HECW1: variants seen among roughly 807,000 people sequenced by gnomAD.
The protein encoded by HECW1 is E3 ubiquitin-protein ligase HECW1.
A neutral mutation model predicts 182.3 loss-of-function variants in HECW1; 61 were observed. That is an observed-to-expected ratio of 0.33 (90% CI 0.27 to 0.41). The LOEUF is 0.41. HECW1 is among the 10% of genes least tolerant of loss of function. The pLI is 1.00. For missense variants in HECW1, 1,739 were observed against 2,108.9 expected, an observed-to-expected ratio of 0.82 and a Z score of 3.44; for synonymous variants, 859 against 832.6, an observed-to-expected ratio of 1.03 and a Z score of -0.55.
chr7:43,425,398 T>C (rs1230542062), intron 8 of HECW1, among the ~76,000 whole-genome samples: 1 of 152,176 alleles, frequency 6.6e-6, no homozygotes, highest in Admixed American at 6.5e-5. Context: ...CTTGGGCATA[T>C]TCCATAACCT....
intron 16 of HECW1, among the ~76,000 whole-genome samples, chr7:43,469,557 T>G (rs903164419): frequency 1.3e-5 from 2 of 152,352 alleles, no homozygotes; most frequent in South Asian, 4.1e-4. Context: ...CTAATACACC[T>G]TAAGTTTTCT....
chr7:43,462,534 G>A (rs2077622550), intron 13 of HECW1, among the ~76,000 whole-genome samples: 1 of 152,128 alleles, frequency 6.6e-6, no homozygotes, highest in South Asian at 2.1e-4. Flanking sequence ...CACATTCTTG[G>A]GCCCTACACC....
intron 5 of HECW1, 107 bp downstream of exon 5, chr7:43,320,849 C>G: frequency 1.2e-6 from 1 of 803,992 alleles, no homozygotes; most frequent in South Asian, 1.5e-5. Flanking sequence ...AATGGGCCCT[C>G]TAAAAGAGAG....
chr7:43,385,733 G>A (rs2074769076), intron 6 of HECW1, among the ~76,000 whole-genome samples: 2 of 152,140 alleles, frequency 1.3e-5, no homozygotes, highest in South Asian at 4.1e-4. Context: ...TTCTCCCAAG[G>A]CAAAAGAATA....
chr7:43,481,670 A>G lies in HECW1; in HGVS notation c.3234+1926A>G, dbSNP rs1243374539. On this transcript the variant is annotated intron_variant, in intron 17 of 29. Coordinates refer to ENST00000395891, the MANE Select transcript of HECW1 (RefSeq NM_015052.5). ...ATCATTTGCCATAACATGTATGGCAAAGTGCCATCTGTATCAGTTAAGAAC... is the reference window on the plus strand; with the variant it reads ...ATCATTTGCCATAACATGTATGGCAGAGTGCCATCTGTATCAGTTAAGAAC... 6.6e-5 allele frequency among the ~76,000 whole-genome samples: 10 copies of G among 152,314 alleles called. No individual in the cohort carries two copies. The South Asian group carries it at 2.1e-3, about 32-fold the overall frequency.
intron 3 of HECW1, among the ~76,000 whole-genome samples, chr7:43,252,939 G>A (rs2240271): frequency 0.032 from 4,939 of 152,230 alleles, 142 homozygotes; most frequent in East Asian, 0.16. Flanking sequence ...AGCTGACACG[G>A]GAGTCCAGTG....
chr7:43,338,859 T>C (rs1339184973), intron 5 of HECW1, among the ~76,000 whole-genome samples: 1 of 152,230 alleles, frequency 6.6e-6, no homozygotes, highest in Non-Finnish European at 1.5e-5. Flanking sequence ...GTATTTCTTT[T>C]AGTGCAATCC....
At chr7:43,147,391 T>G (rs958379820) in intron 2 of HECW1, 2 of 152,240 alleles carry the variant, frequency 1.3e-5, no homozygotes, top group African/African-American at 4.8e-5. Context: ...TGTTCAGCTT[T>G]CAGTGCCCAT....
intron 3 of HECW1, among the ~76,000 whole-genome samples, chr7:43,248,003 AAGAAAGAG>A (rs1334740606): frequency 1.4e-5 from 2 of 138,682 alleles, no homozygotes; most frequent in South Asian, 2.6e-4. Context: ...GAAGGAAGGA[AAGAAAGAG>A]AGAAAGAAGA....
At chr7:43,283,724 C>T (rs1014033691) in intron 3 of HECW1, among the ~76,000 whole-genome samples, 4 of 152,254 alleles carry the variant, frequency 2.6e-5, no homozygotes, top group Non-Finnish European at 4.4e-5. Flanking sequence ...TATTGCAAAA[C>T]GTCCCTCAAA....
At chr7:43,154,339 A>G (rs1219385283) in intron 2 of HECW1, among the ~76,000 whole-genome samples, 1 of 152,174 alleles carries the variant, frequency 6.6e-6, no homozygotes, top group East Asian at 1.9e-4. Flanking sequence ...ATGTACTATT[A>G]ATTTTTCCTT....
At chr7:43,153,361 C>T (rs537267037) in intron 2 of HECW1, among the ~76,000 whole-genome samples, 66 of 152,100 alleles carry the variant, frequency 4.3e-4, no homozygotes, top group South Asian at 4.1e-4. Flanking sequence ...GATGTATATC[C>T]GTGAACTTTG....
At chr7:43,145,015 AT>A (rs1380267384) in intron 2 of HECW1, among the ~76,000 whole-genome samples, 1 of 151,930 alleles carries the variant, frequency 6.6e-6, no homozygotes, top group Non-Finnish European at 1.5e-5. Flanking sequence ...ATGTCCTTTC[AT>A]TTTTTTTAAC....
chr7:43,137,876 TA>T (rs1428644051), intron 2 of HECW1, among the ~76,000 whole-genome samples: 4 of 152,092 alleles, frequency 2.6e-5, no homozygotes, highest in African/African-American at 9.7e-5. Context: ...ATCACCTGTT[TA>T]GATCTTACTC....
At chr7:43,271,295 A>G (rs1802377409) in intron 3 of HECW1, among the ~76,000 whole-genome samples, 2 of 152,182 alleles carry the variant, frequency 1.3e-5, no homozygotes. Context: ...TCCCTTTGAG[A>G]ACTGGAACAA....
intron 21 of HECW1, among the ~76,000 whole-genome samples, chr7:43,505,525 T>C (rs1040435803): frequency 1.3e-5 from 2 of 152,212 alleles, no homozygotes; most frequent in African/African-American, 4.8e-5. Flanking sequence ...ACAATGTACC[T>C]TGTCCTGTTT....
chr7:43,479,874 C>A (rs775124581), intron 17 of HECW1, 130 bp downstream of exon 17: 47 of 1,053,788 alleles, frequency 4.5e-5, no homozygotes, highest in Non-Finnish European at 6.3e-5. Context: ...CCATATGCAC[C>A]CTGCTTTGTA....
At chr7:43,283,816 G>A (rs1804241199) in intron 3 of HECW1, among the ~76,000 whole-genome samples, 1 of 152,180 alleles carries the variant, frequency 6.6e-6, no homozygotes, top group African/African-American at 2.4e-5. Flanking sequence ...CTTTTTTAAT[G>A]CAGCAATCTA....
chr7:43,409,439 A>C (rs2075724948), intron 8 of HECW1, among the ~76,000 whole-genome samples: 1 of 152,246 alleles, frequency 6.6e-6, no homozygotes, highest in African/African-American at 2.4e-5. Context: ...AACCTGTTCT[A>C]AGACATTTAG....
Sources: gnomAD v4.1 joint callset for allele counts (sites outside exome capture counted in the v4.1 genomes callset) on GRCh38, gnomAD v4.1.1 for gene constraint, MANE v1.5 for transcripts, NCBI Gene and HGNC (gene_info 2026-07-23, HGNC 2026-07-21) for gene names.